RBFOX1: variants seen among roughly 807,000 people sequenced by gnomAD.
RBFOX1 encodes RNA binding protein fox-1 homolog 1.
In RBFOX1, 8 loss-of-function variants were observed where a neutral mutation model predicts 57.7. The observed-to-expected ratio is 0.14, with a 90% confidence interval of 0.08 to 0.25. RBFOX1 has a LOEUF of 0.25. Among genes scored for constraint, RBFOX1 ranks in the 10% least tolerant of loss-of-function variants. The pLI, the probability that RBFOX1 is intolerant of heterozygous loss-of-function variation, is 1.00. For synonymous variants in RBFOX1, 326 were observed against 222.4 expected, an observed-to-expected ratio of 1.47 and a Z score of -4.15; for missense variants, 611 against 548.5, an observed-to-expected ratio of 1.11 and a Z score of -1.14.
intron 3 of RBFOX1, among the ~76,000 whole-genome samples, chr16:6,674,339 T>C (rs1466162282): frequency 6.6e-6 from 1 of 152,120 alleles, no homozygotes; most frequent in Non-Finnish European, 1.5e-5. Context: ...TTTCTTTTTT[T>C]GAGTCAGAGT....
intron 2 of RBFOX1, among the ~76,000 whole-genome samples, chr16:5,589,846 C>T (rs957317270): frequency 1.3e-5 from 2 of 152,170 alleles, no homozygotes; most frequent in African/African-American, 4.8e-5. Context: ...GCTCTCCTTC[C>T]ACTCCACTGC....
At chr16:5,362,595 C>G (rs111505420) in intron 1 of RBFOX1, among the ~76,000 whole-genome samples, 2 of 152,188 alleles carry the variant, frequency 1.3e-5, no homozygotes, top group African/African-American at 2.4e-5. Context: ...CTCCCGACCT[C>G]AGGTGATCCA....
intron 3 of RBFOX1, among the ~76,000 whole-genome samples, chr16:6,884,437 C>T (rs970126819): frequency 6.6e-6 from 1 of 152,172 alleles, no homozygotes; most frequent in African/African-American, 2.4e-5. Context: ...AAGTCTCTGC[C>T]TTCAAGGATC....
chr16:6,702,247 G>GAA (rs1177845633), intron 3 of RBFOX1, among the ~76,000 whole-genome samples: 18 of 152,212 alleles, frequency 1.2e-4, no homozygotes, highest in Admixed American at 2.0e-4. Context: ...CATGAGATAT[G>GAA]GATGGGACAA....
intron 4 of RBFOX1, among the ~76,000 whole-genome samples, chr16:7,328,355 C>G (rs1283993640): frequency 1.3e-5 from 2 of 151,590 alleles, no homozygotes; most frequent in Non-Finnish European, 2.9e-5. Flanking sequence ...TGGCGGATCC[C>G]TGTAATCCCA....
At chr16:5,642,127 G>A (rs961074757) in intron 3 of RBFOX1, among the ~76,000 whole-genome samples, 3 of 152,190 alleles carry the variant, frequency 2.0e-5, no homozygotes, top group Non-Finnish European at 4.4e-5. Flanking sequence ...CTGCCTGGCT[G>A]AAGAGTGATT....
chr16:7,504,769 A>ATT (rs1183651086), intron 4 of RBFOX1, among the ~76,000 whole-genome samples: 7 of 11,434 alleles, frequency 6.1e-4, no homozygotes, highest in African/African-American at 1.4e-3. Flanking sequence ...ATATATATAT[A>ATT]TTTATATATA....
chr16:5,706,694 T>A (rs371508664), intron 3 of RBFOX1, among the ~76,000 whole-genome samples: 6 of 152,224 alleles, frequency 3.9e-5, no homozygotes, highest in Admixed American at 3.9e-4. Context: ...CCTAAAGCAC[T>A]GGTTGCCAAA....
At chr16:5,512,391 C>T (rs904066697) in intron 2 of RBFOX1, among the ~76,000 whole-genome samples, 1 of 151,088 alleles carries the variant, frequency 6.6e-6, no homozygotes, top group African/African-American at 2.5e-5. Flanking sequence ...TCCTTCCTCT[C>T]TTCTTCTTCC....
intron 4 of RBFOX1, among the ~76,000 whole-genome samples, chr16:7,349,691 A>G (rs2097091911): frequency 6.6e-6 from 1 of 152,108 alleles, no homozygotes; most frequent in Admixed American, 6.5e-5. Context: ...TGCTTTCCAT[A>G]TGTGTTCACC....
chr16:7,618,613 G>A (rs1022377356), intron 10 of RBFOX1, among the ~76,000 whole-genome samples: 2 of 151,834 alleles, frequency 1.3e-5, no homozygotes, highest in African/African-American at 4.8e-5. Context: ...CACTTTCATT[G>A]TTCTTTTCAA....
At chr16:6,687,397 C>G (rs896642051) in intron 3 of RBFOX1, among the ~76,000 whole-genome samples, 2 of 152,210 alleles carry the variant, frequency 1.3e-5, no homozygotes. Context: ...ATATAATTCA[C>G]CCATGTAACC....
At chr16:7,198,991 A>C (rs756496274) in intron 4 of RBFOX1, among the ~76,000 whole-genome samples, 1 of 152,176 alleles carries the variant, frequency 6.6e-6, no homozygotes, top group Non-Finnish European at 1.5e-5. Flanking sequence ...TCCATCTGGG[A>C]AAGTAGAAAA....
chr16:6,893,628 A>G (rs186485530), intron 3 of RBFOX1, among the ~76,000 whole-genome samples: 5 of 152,308 alleles, frequency 3.3e-5, no homozygotes, highest in African/African-American at 1.2e-4. Context: ...AAGGAGAACA[A>G]AAGCCCTGTT....
intron 4 of RBFOX1, among the ~76,000 whole-genome samples, chr16:7,433,586 C>G (rs534233633): frequency 6.6e-6 from 1 of 152,328 alleles, no homozygotes; most frequent in South Asian, 2.1e-4. Context: ...GTTCATGTCA[C>G]ACAGGTGAAG....
chr16:5,654,478 T>C (rs2049357344), intron 3 of RBFOX1, among the ~76,000 whole-genome samples: 1 of 152,182 alleles, frequency 6.6e-6, no homozygotes, highest in Admixed American at 6.5e-5. Context: ...CGTTCTCACC[T>C]GTCCTTCTTC....
chr16:5,576,222 A>G (rs2151144469), intron 2 of RBFOX1, among the ~76,000 whole-genome samples: 1 of 152,248 alleles, frequency 6.6e-6, no homozygotes, highest in South Asian at 2.1e-4. Flanking sequence ...CCTGACCTCA[A>G]GTGATCCAGG....
chr16:6,766,546 C>A (rs369179516), intron 3 of RBFOX1, among the ~76,000 whole-genome samples: 1 of 151,838 alleles, frequency 6.6e-6, no homozygotes, highest in Non-Finnish European at 1.5e-5. Context: ...TCTGCAATGA[C>A]ACCCATGTTC....
At chr16:6,331,059 A>G (rs1014821699) in intron 2 of RBFOX1, among the ~76,000 whole-genome samples, 5 of 152,166 alleles carry the variant, frequency 3.3e-5, no homozygotes, top group African/African-American at 1.2e-4. Flanking sequence ...AAAAGTAAGG[A>G]AGTTAGTAAT....
Sources: gnomAD v4.1 joint callset for allele counts (sites outside exome capture counted in the v4.1 genomes callset) on GRCh38, gnomAD v4.1.1 for gene constraint, MANE v1.5 for transcripts, NCBI Gene and HGNC (gene_info 2026-07-23, HGNC 2026-07-21) for gene names.